The following POU6F1 variants were observed in gnomAD, a reference collection of about 807,000 sequenced individuals.
POU6F1 encodes the protein POU class 6 homeobox 1, also known as POU domain, class 6, transcription factor 1.
POU6F1 carries 9 observed loss-of-function variants against 28.9 expected under a neutral mutation model. The ratio of observed to expected loss-of-function variants is 0.31; its 90% CI spans 0.19 to 0.54. The LOEUF (loss-of-function observed/expected upper bound fraction) is 0.54, where lower values mean the gene tolerates loss of function less well. Ranked by LOEUF, POU6F1 falls within the 20% of genes least tolerant of loss-of-function variation. The probability of loss-of-function intolerance (pLI) is 0.94; values close to 1 mark genes in which losing one functional copy is unlikely to be tolerated. For synonymous variants in POU6F1, 173 were observed against 171.1 expected (o/e 1.01, Z -0.09); for missense variants, 338 against 426.1 (o/e 0.79, Z 1.82).
chr12:51,201,629 CAAGT>C (rs1027755994), intron 3 of POU6F1: 63 of 151,304 alleles, frequency 4.2e-4, no homozygotes, highest in African/African-American at 1.4e-3. Context: ...CAAAGCATAA[CAAGT>C]AAGTGAGAAA....
intron 3 of POU6F1, among the ~76,000 whole-genome samples, chr12:51,203,153 G>A (rs1943340107): frequency 6.6e-6 from 1 of 152,090 alleles, no homozygotes; most frequent in Non-Finnish European, 1.5e-5. Context: ...AAACACTCAC[G>A]AAAACCATTG....
At chr12:51,201,954 A>G (rs7975737) in intron 3 of POU6F1, 89,667 of 151,578 alleles carry the variant, frequency 0.59, 27,621 homozygotes, top group Middle Eastern at 0.7. Context: ...CCACTTCCCA[A>G]GCTCAAGTGA....
intron 8 of POU6F1, among the ~76,000 whole-genome samples, chr12:51,195,236 G>A (rs1192641138): frequency 6.6e-6 from 1 of 152,128 alleles, no homozygotes; most frequent in Non-Finnish European, 1.5e-5. Flanking sequence ...TTGGCCTCAA[G>A]CGATCCTCCG....
intron 8 of POU6F1, among the ~76,000 whole-genome samples, chr12:51,195,228 G>C (rs1942730287): frequency 6.6e-6 from 1 of 152,112 alleles, no homozygotes; most frequent in African/African-American, 2.4e-5. Flanking sequence ...TTGAACTCTT[G>C]GCCTCAAGCG....
At chr12:51,204,766 T>C (rs916815059) in intron 2 of POU6F1, among the ~76,000 whole-genome samples, 1 of 152,144 alleles carries the variant, frequency 6.6e-6, no homozygotes, top group African/African-American at 2.4e-5. Flanking sequence ...TGAGGGCTCC[T>C]AACATGGTAT....
chr12:51,193,614 G>C (rs1027248409), intron 8 of POU6F1, among the ~76,000 whole-genome samples: 1 of 152,010 alleles, frequency 6.6e-6, no homozygotes, highest in African/African-American at 2.4e-5. Context: ...AAGAAAATCA[G>C]TTTTTATGGA....
chr12:51,215,436 T>C (rs1226324807), intron 1 of POU6F1, among the ~76,000 whole-genome samples: 2 of 151,552 alleles, frequency 1.3e-5, no homozygotes, highest in Non-Finnish European at 2.9e-5. Context: ...GCGCCTATAG[T>C]TCCAGCTAGT....
Position 51,190,469 on chromosome 12 carries a change from T to A in POU6F1, c.1614A>T (p.Gly538=). 1 of 1,614,140 alleles carries A rather than the reference T, an allele frequency of 6.2e-7. No homozygotes were observed. The highest frequency in any genetic ancestry group is 8.5e-7 in the Non-Finnish European group (1 of 1,180,024). Residue 538 remains glycine (G), a synonymous_variant, in exon 11 of 11, where the codon GGA becomes GGT. Transcript: ENST00000333640. The surrounding 1 kb of genome is among the most constrained non-coding windows in gnomAD (Gnocchi z 4.5). ...GTTTGCGTTTCTTGGAGGGCTCGCC[T>A]CCCACAAACTCCATCAGGTTCTGCT... ...EGQQNLMEFV[G]GEPSKKRKRR...
chr12:51,200,265 G>A (rs1377938000), intron 3 of POU6F1, among the ~76,000 whole-genome samples: 1 of 152,172 alleles, frequency 6.6e-6, no homozygotes, highest in Non-Finnish European at 1.5e-5. Context: ...GGCTGTCCTT[G>A]GTTCATCCTG....
At position 51,217,936 on chromosome 12, in the gene POU6F1, G is replaced by A. The variant is rs1314893045; in HGVS notation, c.-342C>T. Reference sequence around the variant, plus strand: ...AGCGGGAAGGGGAAGCCGGGTGGGGGGGCGGTCAGGTATATATTTTTCTTC... The same window carrying A: ...AGCGGGAAGGGGAAGCCGGGTGGGGAGGCGGTCAGGTATATATTTTTCTTC... On this transcript the variant is annotated 5_prime_UTR_variant, in exon 1 of 11. Coordinates refer to ENST00000333640, the MANE Select transcript of POU6F1 (RefSeq NM_001330422.2). The surrounding 1 kb of genome is among the most constrained non-coding windows in gnomAD (Gnocchi z 5.3). 6.6e-6 allele frequency among the ~76,000 whole-genome samples: 1 copy of A among 151,822 alleles called. No individual in the cohort carries two copies. The highest frequency in any genetic ancestry group is 1.5e-5 in the Non-Finnish European group (1 of 67,872).
At chr12:51,205,095 G>A (rs1943486994) in intron 2 of POU6F1, among the ~76,000 whole-genome samples, 1 of 143,176 alleles carries the variant, frequency 7.0e-6, no homozygotes, top group Admixed American at 7.2e-5. Flanking sequence ...CTGGAATGCA[G>A]TGGCGCAATC....
Position 51,196,740 on chromosome 12 carries a change from C to T in POU6F1, c.975+59G>A, listed in dbSNP as rs1592151385. The T allele has an allele frequency of 2.5e-6, 4 of 1,596,324 alleles. No homozygotes were observed. The East Asian group carries it at 8.9e-5, about 36-fold the overall frequency. On this transcript the variant is annotated intron_variant, in intron 7 of 10. Transcript: ENST00000333640. Reference sequence around the variant, plus strand: ...GACCCACAGCCCAAGACCTGGCCGCCATCCCCTGGCCAGCCTCTCCACAGT... The same window carrying T: ...GACCCACAGCCCAAGACCTGGCCGCTATCCCCTGGCCAGCCTCTCCACAGT...
Position 51,191,713 on chromosome 12 carries a change from C to A in POU6F1, c.1373G>T (p.Arg458Leu). Residue 458 changes from arginine to leucine, a missense_variant, in exon 10 of 11, where the codon CGG (arginine) becomes CTG (leucine). Arg to Leu is a moderately radical substitution (Grantham distance 102). This residue lies in a region of POU6F1 where 206 missense variants were observed against 225.6 expected (regional missense o/e 0.91). Coordinates refer to ENST00000333640, the MANE Select transcript of POU6F1 (RefSeq NM_001330422.2). ...DEDGINLEEI[R>L]EFAKNFKIRR... ...GATCTTAAAGTTCTTGGCAAACTCC[C>A]GGATCTCTTCTAAGTTGATCCCATC... The A allele has an allele frequency of 6.2e-7, 1 of 1,614,224 alleles. No homozygotes were observed. Among genetic ancestry groups the A allele is most frequent in the Non-Finnish European group, 8.5e-7 (1 of 1,180,042 alleles).
intron 1 of POU6F1, among the ~76,000 whole-genome samples, chr12:51,213,685 C>T (rs1237321529): frequency 1.3e-5 from 2 of 152,034 alleles, no homozygotes; most frequent in Admixed American, 1.3e-4. Flanking sequence ...AGGCGCCCAC[C>T]ACCTTGCTCA....
chr12:51,212,170 C>T (rs1405638052), intron 1 of POU6F1, among the ~76,000 whole-genome samples: 3 of 151,816 alleles, frequency 2.0e-5, no homozygotes, highest in Admixed American at 6.6e-5. Flanking sequence ...CTCGGCTCAC[C>T]GCAACCTCCG....
In POU6F1 at chr12:51,188,948, C is replaced by T. The variant is rs1214420253; in HGVS notation, c.*1299G>A. 6.6e-6 allele frequency: 1 copy of T among 152,132 alleles called. No individual in the cohort carries two copies. Among genetic ancestry groups the T allele is most frequent in the East Asian group, 1.9e-4 (1 of 5,202 alleles). 9.4% of individuals were successfully genotyped at this position (152,132 alleles called of 1,614,324 possible). A position where few individuals can be genotyped will look rare whatever the true frequency, so the allele number is the denominator to read the frequency against. On this transcript the variant is annotated 3_prime_UTR_variant, in exon 11 of 11. Coordinates refer to ENST00000333640, the MANE Select transcript of POU6F1 (RefSeq NM_001330422.2). ...TAGGGGCTTTCCAGCCACAGTGAGG[C>T]TGGAAACTCACTTAACAGCTTGGAT...
At chr12:51,195,555 A>T (rs181466431) in intron 8 of POU6F1, among the ~76,000 whole-genome samples, 1 of 152,316 alleles carries the variant, frequency 6.6e-6, no homozygotes, top group East Asian at 1.9e-4. Flanking sequence ...GCAATGAGTA[A>T]ATCAAAGCCA....
In POU6F1 at chr12:51,199,011, C is replaced by T. The variant is rs776221469; in HGVS notation, c.367-236G>A. On this transcript the variant is annotated intron_variant, in intron 4 of 10. Coordinates refer to ENST00000333640, the MANE Select transcript of POU6F1 (RefSeq NM_001330422.2). This position sits in a 1 kb window ranked among gnomAD's most constrained non-coding sequence, Gnocchi z 4.1. ...GAAGTCGCCTAAATCCAGGGCAAGG[C>T]GGCCCTGCTCACAGGATGGGAAGGG... Among the ~76,000 whole-genome samples the T allele has an allele frequency of 3.3e-5, 5 of 152,158 alleles. No homozygotes were observed. The highest frequency in any genetic ancestry group is 9.6e-5 in the African/African-American group (4 of 41,464).
chr12:51,201,441 C>T (rs1943197999), intron 3 of POU6F1, among the ~76,000 whole-genome samples: 1 of 151,870 alleles, frequency 6.6e-6, no homozygotes, highest in African/African-American at 2.4e-5. Context: ...CTTTGGGAGG[C>T]TGAGGTGGTA....
Sources: allele counts gnomAD v4.1 joint callset (sites outside exome capture counted in the v4.1 genomes callset), GRCh38; gene constraint gnomAD v4.1.1; regional missense constraint gnomAD v4.1.1; non-coding constraint Gnocchi (gnomAD v3.1); transcripts MANE v1.5; gene names NCBI Gene and HGNC (gene_info 2026-07-23, HGNC 2026-07-21).